The following ZNF423 variants were observed in gnomAD, a reference collection of about 807,000 sequenced individuals.
The protein encoded by ZNF423 is Ebf-associated zinc finger protein.
A neutral mutation model predicts 95.8 loss-of-function variants in ZNF423; 12 were observed. That is an observed-to-expected ratio of 0.13 (90% CI 0.08 to 0.20). The LOEUF is 0.20. Ranked by LOEUF, ZNF423 falls within the 10% of genes least tolerant of loss-of-function variation. The probability of loss-of-function intolerance (pLI) is 1.00; values close to 1 mark genes in which losing one functional copy is unlikely to be tolerated. For missense variants in ZNF423, 1,316 were observed against 1,737.1 expected, an observed-to-expected ratio of 0.76 and a Z score of 4.31; for synonymous variants, 749 against 711.9, an observed-to-expected ratio of 1.05 and a Z score of -0.83.
At chr16:49,793,575 A>T (rs1265094632) in intron 1 of ZNF423, among the ~76,000 whole-genome samples, 3 of 152,204 alleles carry the variant, frequency 2.0e-5, no homozygotes, top group Non-Finnish European at 4.4e-5. Context: ...AGGGGAACAC[A>T]GTACTCCTGT....
intron 1 of ZNF423, among the ~76,000 whole-genome samples, chr16:49,797,841 G>T (rs2034522695): frequency 6.6e-6 from 1 of 152,196 alleles, no homozygotes; most frequent in East Asian, 1.9e-4. Context: ...TGTCTCATGG[G>T]TCTCTCTGTC....
At chr16:49,812,677 C>T (rs1328485202) in intron 1 of ZNF423, among the ~76,000 whole-genome samples, 2 of 152,162 alleles carry the variant, frequency 1.3e-5, no homozygotes, top group Non-Finnish European at 2.9e-5. Context: ...GAGATCCCAT[C>T]TCAGAAAACC....
At chr16:49,555,490 G>A (rs1036996012) in intron 5 of ZNF423, among the ~76,000 whole-genome samples, 1 of 152,238 alleles carries the variant, frequency 6.6e-6, no homozygotes, top group Non-Finnish European at 1.5e-5. Flanking sequence ...TAGACGAAAG[G>A]GTTAACACAC....
chr16:49,649,468 T>G (rs1010679285), intron 3 of ZNF423, among the ~76,000 whole-genome samples: 8 of 152,020 alleles, frequency 5.3e-5, no homozygotes, highest in Non-Finnish European at 8.8e-5. Flanking sequence ...GTTCGGGTGG[T>G]TTTTTAATTC....
rs118111532 is a variant in ZNF423 at position 49,693,517 on chromosome 16, T to C, written c.301+37254A>G. On this transcript the variant is annotated intron_variant, in intron 3 of 7. Transcript: ENST00000563137. ...GCCTGGCCAGCATCTATCCCTGCAT[T>C]CTGTAGACCAGCCCTGTCTTCCTTG... 6.5e-4 allele frequency among the ~76,000 whole-genome samples: 99 copies of C among 152,272 alleles called. 1 individual carries two copies. The East Asian group carries it at 0.017, about 26-fold the overall frequency.
intron 3 of ZNF423, among the ~76,000 whole-genome samples, chr16:49,717,767 A>T (rs191092553): frequency 6.3e-4 from 96 of 152,168 alleles, no homozygotes; most frequent in African/African-American, 1.9e-3. Context: ...TGACCCTGAG[A>T]TCTCTCCTTC....
chr16:49,565,085 G>A (rs1309203068), intron 5 of ZNF423, among the ~76,000 whole-genome samples: 1 of 152,196 alleles, frequency 6.6e-6, no homozygotes, highest in African/African-American at 2.4e-5. Context: ...CCCAGCAGGA[G>A]TTCTAATACA....
chr16:49,777,801 G>A (rs571521542), intron 2 of ZNF423, among the ~76,000 whole-genome samples: 17 of 152,256 alleles, frequency 1.1e-4, no homozygotes, highest in African/African-American at 3.6e-4. Context: ...GGTTAACAAG[G>A]CTTAAATGAG....
chr16:49,623,241 G>A (rs1972145417), intron 5 of ZNF423, among the ~76,000 whole-genome samples: 1 of 152,218 alleles, frequency 6.6e-6, no homozygotes, highest in African/African-American at 2.4e-5. Flanking sequence ...CTGCAGGGCA[G>A]GAATGGGCAA....
At chr16:49,552,648 C>T (rs542217196) in intron 5 of ZNF423, among the ~76,000 whole-genome samples, 24 of 152,212 alleles carry the variant, frequency 1.6e-4, no homozygotes, top group South Asian at 6.2e-4. Context: ...AAAAGAAGCA[C>T]GTCAGTCTGC....
intron 5 of ZNF423, among the ~76,000 whole-genome samples, chr16:49,580,008 T>A (rs75397913): frequency 6.6e-6 from 1 of 152,150 alleles, no homozygotes; most frequent in East Asian, 1.9e-4. Context: ...GCAGCAGCAG[T>A]GGCCACCCAC....
chr16:49,848,168 G>C (rs998057977), intron 1 of ZNF423, among the ~76,000 whole-genome samples: 1 of 152,068 alleles, frequency 6.6e-6, no homozygotes. Context: ...TATCAAAATT[G>C]CTTAAAAGCA....
intron 5 of ZNF423, among the ~76,000 whole-genome samples, chr16:49,535,264 G>A (rs1251479451): frequency 6.6e-6 from 1 of 152,224 alleles, no homozygotes; most frequent in Non-Finnish European, 1.5e-5. Context: ...CTAGCACTGA[G>A]GTGCAAGCAG....
At chr16:49,651,542 C>A (rs1973404629) in intron 3 of ZNF423, among the ~76,000 whole-genome samples, 1 of 152,172 alleles carries the variant, frequency 6.6e-6, no homozygotes, top group East Asian at 1.9e-4. Flanking sequence ...AGGGCTTAGA[C>A]TCCCAGCTCC....
intron 3 of ZNF423, among the ~76,000 whole-genome samples, chr16:49,655,007 G>A (rs9938109): frequency 0.58 from 88,054 of 152,046 alleles, 25,903 homozygotes; most frequent in East Asian, 0.76. Flanking sequence ...AACCACAAAA[G>A]AGCCAGCAAA....
At chr16:49,852,803 GTCCTCCCTGTGAGCT>G (rs2035316331) in intron 1 of ZNF423, among the ~76,000 whole-genome samples, 1 of 150,766 alleles carries the variant, frequency 6.6e-6, no homozygotes, top group Non-Finnish European at 1.5e-5. Context: ...TTTACTAGGT[GTCCTCCCTGTGAGCT>G]GGGTTTTCCA....
At chr16:49,689,304 G>A (rs546777523) in intron 3 of ZNF423, among the ~76,000 whole-genome samples, 1 of 151,620 alleles carries the variant, frequency 6.6e-6, no homozygotes, top group East Asian at 2.0e-4. Flanking sequence ...GATGGGTGAG[G>A]AGAATTAGCC....
chr16:49,714,017 AAGG>A (rs1232974577), intron 3 of ZNF423, among the ~76,000 whole-genome samples: 1 of 152,140 alleles, frequency 6.6e-6, no homozygotes, highest in African/African-American at 2.4e-5. Flanking sequence ...GTGGTAAAGG[AAGG>A]AGGAGAGAGT....
intron 5 of ZNF423, among the ~76,000 whole-genome samples, chr16:49,599,109 A>G (rs1055025210): frequency 2.6e-5 from 4 of 152,224 alleles, no homozygotes; most frequent in African/African-American, 9.6e-5. Flanking sequence ...ACATAGACAC[A>G]CACAGACATG....
Sources: gnomAD v4.1 joint callset for allele counts (sites outside exome capture counted in the v4.1 genomes callset) on GRCh38, gnomAD v4.1.1 for gene constraint, MANE v1.5 for transcripts, NCBI Gene and HGNC (gene_info 2026-07-23, HGNC 2026-07-21) for gene names.